TAFA1: variants seen among roughly 807,000 people sequenced by gnomAD.
TAFA1 encodes the protein chemokine-like protein TAFA-1.
In TAFA1, 4 loss-of-function variants were observed where a neutral mutation model predicts 18.5. The observed-to-expected ratio is 0.22, with a 90% CI of 0.11 to 0.49. TAFA1 has a LOEUF of 0.49. Among genes scored for constraint, TAFA1 ranks in the 20% least tolerant of loss-of-function variants. TAFA1 has a pLI of 0.98. For missense variants in TAFA1, 147 were observed against 169.0 expected (o/e 0.87, Z 0.72); for synonymous variants, 56 against 55.2 (o/e 1.01, Z -0.06).
intron 2 of TAFA1, among the ~76,000 whole-genome samples, chr3:68,230,164 T>G (rs1575693467): frequency 6.6e-6 from 1 of 152,140 alleles, no homozygotes; most frequent in East Asian, 1.9e-4. Flanking sequence ...ATACAACAAA[T>G]TATTGTTAAC....
At chr3:68,012,947 G>T (rs1012900977) in intron 2 of TAFA1, among the ~76,000 whole-genome samples, 14 of 152,118 alleles carry the variant, frequency 9.2e-5, no homozygotes, top group Admixed American at 9.2e-4. Flanking sequence ...GATTTGCAGT[G>T]CTTGTAAGTA....
chr3:68,248,589 T>TA (rs2067129589), intron 2 of TAFA1, among the ~76,000 whole-genome samples: 1 of 152,008 alleles, frequency 6.6e-6, no homozygotes, highest in Non-Finnish European at 1.5e-5. Flanking sequence ...AACTTAAGCA[T>TA]ACCCTGAGAA....
At chr3:68,536,963 T>C (rs2073287218) in intron 3 of TAFA1, among the ~76,000 whole-genome samples, 1 of 152,222 alleles carries the variant, frequency 6.6e-6, no homozygotes, top group South Asian at 2.1e-4. Flanking sequence ...GCAACTTTTC[T>C]TTTGTACTTT....
At chr3:68,515,394 G>T (rs1423483435) in intron 3 of TAFA1, among the ~76,000 whole-genome samples, 1 of 152,160 alleles carries the variant, frequency 6.6e-6, no homozygotes, top group African/African-American at 2.4e-5. Flanking sequence ...CAGTGTTTCA[G>T]CCAGAAAGAG....
intron 2 of TAFA1, among the ~76,000 whole-genome samples, chr3:68,136,972 G>C (rs976145553): frequency 2.0e-5 from 3 of 152,116 alleles, no homozygotes; most frequent in African/African-American, 7.2e-5. Context: ...CAAAGGATTT[G>C]GCTGAGGGAA....
chr3:68,235,528 G>C (rs1057362488), intron 2 of TAFA1, among the ~76,000 whole-genome samples: 1 of 152,158 alleles, frequency 6.6e-6, no homozygotes, highest in African/African-American at 2.4e-5. Flanking sequence ...ATAAATAACA[G>C]CTTCTGGGAA....
At chr3:68,071,077 C>T (rs1157899829) in intron 2 of TAFA1, among the ~76,000 whole-genome samples, 1 of 152,218 alleles carries the variant, frequency 6.6e-6, no homozygotes, top group African/African-American at 2.4e-5. Flanking sequence ...TCAGCAGTCC[C>T]CCATTCTCCT....
intron 2 of TAFA1, among the ~76,000 whole-genome samples, chr3:68,111,460 G>A (rs1026969821): frequency 3.9e-5 from 6 of 152,028 alleles, no homozygotes; most frequent in Non-Finnish European, 8.8e-5. Flanking sequence ...GAAAAAGAAT[G>A]TTCCCAGAGA....
At chr3:68,394,140 G>C (rs75912450) in intron 2 of TAFA1, among the ~76,000 whole-genome samples, 9 of 152,264 alleles carry the variant, frequency 5.9e-5, no homozygotes, top group African/African-American at 2.2e-4. Context: ...AAAATCACAA[G>C]CATTCCTGTA....
chr3:68,378,784 A>G (rs917925854), intron 2 of TAFA1, among the ~76,000 whole-genome samples: 4 of 152,078 alleles, frequency 2.6e-5, no homozygotes, highest in Non-Finnish European at 5.9e-5. Context: ...GTGAGTTCTC[A>G]TGAGATCTGA....
At chr3:68,336,050 G>A (rs973044160) in intron 2 of TAFA1, among the ~76,000 whole-genome samples, 2 of 152,216 alleles carry the variant, frequency 1.3e-5, no homozygotes, top group Non-Finnish European at 2.9e-5. Flanking sequence ...TGGGCTTGAA[G>A]CCCAGCACCA....
At chr3:68,327,087 A>G (rs1336908601) in intron 2 of TAFA1, among the ~76,000 whole-genome samples, 2 of 152,170 alleles carry the variant, frequency 1.3e-5, no homozygotes, top group Admixed American at 6.5e-5. Flanking sequence ...ATGATGTTTT[A>G]TAAGGGGAGT....
chr3:68,258,395 A>C (rs1164753465), intron 2 of TAFA1, among the ~76,000 whole-genome samples: 3 of 152,124 alleles, frequency 2.0e-5, no homozygotes, highest in Non-Finnish European at 4.4e-5. Context: ...ATTGGTCAGG[A>C]CTTGAGCATG....
At chr3:68,173,795 C>T (rs1378308392) in intron 2 of TAFA1, among the ~76,000 whole-genome samples, 1 of 151,868 alleles carries the variant, frequency 6.6e-6, no homozygotes, top group Non-Finnish European at 1.5e-5. Context: ...CTTCCCTTCC[C>T]TTCATTTTTA....
At chr3:68,523,624 C>T (rs2073061298) in intron 3 of TAFA1, among the ~76,000 whole-genome samples, 1 of 152,106 alleles carries the variant, frequency 6.6e-6, no homozygotes, top group Admixed American at 6.5e-5. Context: ...AAATATCCCC[C>T]AAAATATATA....
intron 2 of TAFA1, among the ~76,000 whole-genome samples, chr3:68,379,031 A>T (rs1363718782): frequency 1.3e-5 from 2 of 152,168 alleles, no homozygotes; most frequent in African/African-American, 2.4e-5. Flanking sequence ...CACCCAGTAA[A>T]GAGATTGTTG....
Position 68,305,423 on chromosome 3 carries a change from ATATATAT to A in TAFA1, c.119-111856_119-111850del, listed in dbSNP as rs1559608927. ...TGACTATATGACTATATATATATAT[ATATATAT>A]ATATATATATATATATATATATATA... On this transcript the variant is annotated intron_variant, in intron 2 of 4. Coordinates refer to ENST00000478136, the MANE Select transcript of TAFA1 (RefSeq NM_213609.4). Among the ~76,000 whole-genome samples the A allele has an allele frequency of 4.2e-4, 40 of 94,298 alleles. 1 individual carries two copies. The East Asian group carries it at 4.6e-3, about 11-fold the overall frequency. 61.9% of individuals were successfully genotyped at this position (94,298 alleles called of 152,430 possible).
chr3:68,357,093 A>G (rs262247), intron 2 of TAFA1, among the ~76,000 whole-genome samples: 90,415 of 151,686 alleles, frequency 0.6, 27,827 homozygotes, highest in East Asian at 1. Context: ...TGCCAATCAC[A>G]CTGTAAACTC....
intron 2 of TAFA1, among the ~76,000 whole-genome samples, chr3:68,060,628 A>G (rs2064591103): frequency 6.6e-6 from 1 of 152,118 alleles, no homozygotes; most frequent in Admixed American, 6.5e-5. Flanking sequence ...CTTATGCATA[A>G]CATTACTCTG....
Sources: gnomAD v4.1 joint callset for allele counts (sites outside exome capture counted in the v4.1 genomes callset) on GRCh38, gnomAD v4.1.1 for gene constraint, MANE v1.5 for transcripts, NCBI Gene and HGNC (gene_info 2026-07-23, HGNC 2026-07-21) for gene names.